PPIL1: variants seen among roughly 807,000 people sequenced by gnomAD.
PPIL1 encodes the protein peptidylprolyl isomerase like 1, also known as peptidyl-prolyl cis-trans isomerase-like 1.
Under a neutral mutation model 19.4 loss-of-function variants are expected in PPIL1, and 14 were observed. The ratio of observed to expected loss-of-function variants is 0.72; its 90% CI spans 0.48 to 1.13. PPIL1 has a LOEUF of 1.13. PPIL1 is among the 50% of genes most tolerant of loss of function. PPIL1 has a pLI of 0.00. For synonymous variants in PPIL1, 72 were observed against 73.6 expected (o/e 0.98, Z 0.11); for missense variants, 192 against 218.0 (o/e 0.88, Z 0.75).
At position 36,855,286 on chromosome 6, in the gene PPIL1, G is replaced by C. The variant is rs1183507317; in HGVS notation, c.*527C>G. ...ACAGCACTGTTGATGTTCTGGTTTT[G>C]AGAGGGAAAATATATATAGAGATGC... is the stretch of plus-strand genomic sequence containing the variant. On this transcript the variant is annotated 3_prime_UTR_variant, in exon 4 of 4. Coordinates refer to ENST00000373699, the MANE Select transcript of PPIL1 (RefSeq NM_016059.5). The C allele has an allele frequency of 6.4e-6, 1 of 155,744 alleles. No homozygotes were observed. Among genetic ancestry groups the C allele is most frequent in the Non-Finnish European group, 1.4e-5 (1 of 69,752 alleles). The allele number at this position is 155,744 out of a possible 1,614,324, so 9.6% of individuals were successfully genotyped here. A position where few individuals can be genotyped will look rare whatever the true frequency, so the allele number is the denominator to read the frequency against.
intron 2 of PPIL1, among the ~76,000 whole-genome samples, chr6:36,868,566 G>A (rs190149691): frequency 3.9e-5 from 6 of 152,324 alleles, no homozygotes; most frequent in African/African-American, 1.4e-4. Context: ...AGCCAGGCAT[G>A]ATGGCTCATG....
intron 2 of PPIL1, among the ~76,000 whole-genome samples, chr6:36,859,153 A>G (rs1057090082): frequency 2.0e-5 from 3 of 152,140 alleles, no homozygotes; most frequent in Non-Finnish European, 4.4e-5. Flanking sequence ...TGGGCTGGGC[A>G]TGGTGGCTCA....
At chr6:36,856,522 T>C (rs1774170496) in intron 3 of PPIL1, 64 bp downstream of exon 3, 2 of 1,464,432 alleles carry the variant, frequency 1.4e-6, no homozygotes, top group South Asian at 2.3e-5. Context: ...CCTTGAATCA[T>C]GGCCAAAAGA....
Position 36,874,704 on chromosome 6 carries a change from C to T in PPIL1, c.56+13G>A. On this transcript the variant is annotated intron_variant, in intron 1 of 3. Transcript: ENST00000373699. ...GTCTCCTCTGCCAGCCCCAGACGCCCGAACCCCCTCACCTGGTCTCCAAGT... is the reference window on the plus strand; with the variant it reads ...GTCTCCTCTGCCAGCCCCAGACGCCTGAACCCCCTCACCTGGTCTCCAAGT... 6.2e-7 allele frequency: 1 copy of T among 1,613,798 alleles called. No homozygotes were observed. Among genetic ancestry groups the T allele is most frequent in the Non-Finnish European group, 8.5e-7 (1 of 1,179,840 alleles).
rs372212026 is a variant in PPIL1, at chr6:36,868,476, C to A, written c.211+3242G>T. ...AGAGAAAATATTCAGAAATAGAAAT[C>A]AAAAAATTAACCCTGATGTAAAGGA... On this transcript the variant is annotated intron_variant, in intron 2 of 3. Transcript: ENST00000373699. 2.4e-3 allele frequency among the ~76,000 whole-genome samples: 366 copies of A among 152,098 alleles called. 3 individuals carry two copies. The highest frequency in any genetic ancestry group is 6.8e-3 in the Middle Eastern group (2 of 294).
chr6:36,860,975 C>T (rs7759403), intron 2 of PPIL1, among the ~76,000 whole-genome samples: 1,733 of 152,174 alleles, frequency 0.011, 33 homozygotes, highest in African/African-American at 0.039. Context: ...CACTGTATGA[C>T]CATAATGCTC....
intron 2 of PPIL1, among the ~76,000 whole-genome samples, chr6:36,859,723 C>T (rs1774241013): frequency 6.6e-6 from 1 of 152,028 alleles, no homozygotes; most frequent in African/African-American, 2.4e-5. Context: ...TGTCAATTAT[C>T]AGTTAGAAAG....
At chr6:36,861,292 A>G (rs2150656063) in intron 2 of PPIL1, among the ~76,000 whole-genome samples, 1 of 152,132 alleles carries the variant, frequency 6.6e-6, no homozygotes, top group South Asian at 2.1e-4. Context: ...TTTAAACTGC[A>G]TTTCTCTGAA....
intron 2 of PPIL1, among the ~76,000 whole-genome samples, chr6:36,865,095 G>A (rs1048302962): frequency 1.3e-5 from 2 of 152,120 alleles, no homozygotes; most frequent in Non-Finnish European, 2.9e-5. Context: ...GGAGGTGCAC[G>A]TAACCACACT....
chr6:36,868,729 G>A (rs559624756), intron 2 of PPIL1, among the ~76,000 whole-genome samples: 2 of 152,060 alleles, frequency 1.3e-5, no homozygotes, highest in South Asian at 2.1e-4. Context: ...TCAGCTACTC[G>A]GGAGGCTGAG....
intron 1 of PPIL1, among the ~76,000 whole-genome samples, chr6:36,874,277 AT>A (rs1409123435): frequency 6.6e-6 from 1 of 152,130 alleles, no homozygotes; most frequent in Non-Finnish European, 1.5e-5. Context: ...TTCTTCCTGT[AT>A]TTTACTGGAA....
chr6:36,871,714 G>A lies in PPIL1; in HGVS notation c.211+4C>T. 6.3e-7 allele frequency: 1 copy of A among 1,599,984 alleles called. No homozygotes were observed. The highest frequency in any genetic ancestry group is 2.3e-5 in the East Asian group (1 of 44,276). The stretch of plus-strand genomic sequence containing the variant: ...AACATAAACTAATGTTGGCTTAACT[G>A]TACCTGTCCCTGTTGGGTCACCTCC... On this transcript the variant is annotated splice_donor_region_variant and intron_variant, in intron 2 of 3. Coordinates refer to ENST00000373699, the MANE Select transcript of PPIL1 (RefSeq NM_016059.5).
chr6:36,871,158 G>C (rs2150660446), intron 2 of PPIL1, among the ~76,000 whole-genome samples: 1 of 152,236 alleles, frequency 6.6e-6, no homozygotes, highest in African/African-American at 2.4e-5. Context: ...ACTTCATTCA[G>C]ATCTCTTCTC....
In PPIL1 at chr6:36,855,910, C is replaced by T. The variant is rs1354907591; in HGVS notation, c.404G>A (p.Gly135Asp). 1.2e-6 allele frequency: 2 copies of T among 1,614,036 alleles called. No homozygotes were observed. Residue 135 changes from glycine to aspartate, a missense_variant, in exon 4 of 4, where the codon GGC becomes GAC. Coordinates refer to ENST00000373699, the MANE Select transcript of PPIL1 (RefSeq NM_016059.5). ...KHTIFGRVCQGIGMVNRVGMV... is the reference protein window; with the variant it reads ...KHTIFGRVCQDIGMVNRVGMV... ...TCCCACGCGATTCACCATTCCTATG[C>T]CCTGACACACTCGGCCAAAAATGGT...
chr6:36,860,397 G>A (rs908699955), intron 2 of PPIL1, among the ~76,000 whole-genome samples: 3 of 152,058 alleles, frequency 2.0e-5, no homozygotes, highest in African/African-American at 7.2e-5. Flanking sequence ...AGTAGGTCGA[G>A]GCTAGAGTGA....
At position 36,855,759 on chromosome 6, in the gene PPIL1, A is replaced by G. The variant is rs890803700; in HGVS notation, c.*54T>C. On this transcript the variant is annotated 3_prime_UTR_variant, in exon 4 of 4. Coordinates refer to ENST00000373699, the MANE Select transcript of PPIL1 (RefSeq NM_016059.5). ...CATTACATGTCATTCTATGTCATCTAGAAGCTGGTTCACTGGGGCCATCTC... is the reference window on the plus strand; with the variant it reads ...CATTACATGTCATTCTATGTCATCTGGAAGCTGGTTCACTGGGGCCATCTC... The G allele has an allele frequency of 2.2e-5, 35 of 1,559,514 alleles. No individual in the cohort carries two copies. Among genetic ancestry groups the G allele is most frequent in the Non-Finnish European group, 3.1e-5 (35 of 1,130,874 alleles).
chr6:36,862,170 C>T (rs773366352), intron 2 of PPIL1, among the ~76,000 whole-genome samples: 3 of 151,180 alleles, frequency 2.0e-5, no homozygotes, highest in Non-Finnish European at 4.4e-5. Context: ...CTTGTCCCCG[C>T]CCCTCCCACC....
chr6:36,860,179 T>C (rs73418145), intron 2 of PPIL1, among the ~76,000 whole-genome samples: 1,556 of 152,058 alleles, frequency 0.01, 25 homozygotes, highest in African/African-American at 0.035. Flanking sequence ...TCAAGATTCT[T>C]TTCTGGCCAG....
intron 2 of PPIL1, among the ~76,000 whole-genome samples, chr6:36,857,951 C>T (rs766834338): frequency 6.6e-6 from 1 of 152,140 alleles, no homozygotes; most frequent in East Asian, 1.9e-4. Context: ...TAAGTTAGAC[C>T]AGGCGCGGTG....
Sources: allele counts gnomAD v4.1 joint callset (sites outside exome capture counted in the v4.1 genomes callset), GRCh38; gene constraint gnomAD v4.1.1; transcripts MANE v1.5; gene names NCBI Gene and HGNC (gene_info 2026-07-23, HGNC 2026-07-21).